RAB31: variants seen among roughly 807,000 people sequenced by gnomAD.
The protein encoded by RAB31 is RAB31, member RAS oncogene family, also known as ras-related protein Rab-31.
Under a neutral mutation model 25.6 loss-of-function variants are expected in RAB31, and 21 were observed. The observed-to-expected ratio is 0.82, with a 90% CI of 0.58 to 1.18. The LOEUF is 1.18. Ranked by LOEUF, RAB31 falls within the 50% of genes most tolerant of loss-of-function variation. The pLI is 0.00. For missense variants in RAB31, 196 were observed against 250.1 expected, an observed-to-expected ratio of 0.78 and a Z score of 1.46; for synonymous variants, 87 against 84.0, an observed-to-expected ratio of 1.04 and a Z score of -0.20.
At chr18:9,740,812 G>C (rs1452297660) in intron 1 of RAB31, among the ~76,000 whole-genome samples, 1 of 152,162 alleles carries the variant, frequency 6.6e-6, no homozygotes, top group Non-Finnish European at 1.5e-5. Flanking sequence ...AGAATAAAGG[G>C]GGTAAACAGA....
chr18:9,791,563 A>C (rs2068460208), intron 2 of RAB31, among the ~76,000 whole-genome samples: 1 of 149,826 alleles, frequency 6.7e-6, no homozygotes, highest in South Asian at 2.1e-4. Context: ...ATGCCCGGCT[A>C]ATTTTTGTTT....
In RAB31 at chr18:9,708,511, T is replaced by C. The variant is rs1446417333; in HGVS notation, c.39+67T>C. 2.9e-6 allele frequency: 4 copies of C among 1,383,492 alleles called. No homozygotes were observed. In the African/African-American group the frequency reaches 6.1e-5, roughly 21 times the overall value. The allele number at this position is 1,383,492 out of a possible 1,614,324, so 85.7% of individuals were successfully genotyped here. On this transcript the variant is annotated intron_variant, in intron 1 of 6. Coordinates refer to ENST00000578921, the MANE Select transcript of RAB31 (RefSeq NM_006868.4). This position sits in a 1 kb window ranked among gnomAD's most constrained non-coding sequence, Gnocchi z 6.4. ...CTCTCGCGCCCCTTCGCTCCCCTAT[T>C]CCCTGCGCGCTCAGTCCCCGTGATC...
At chr18:9,748,090 A>G (rs763452081) in intron 1 of RAB31, among the ~76,000 whole-genome samples, 21 of 152,220 alleles carry the variant, frequency 1.4e-4, no homozygotes, top group Non-Finnish European at 2.8e-4. Flanking sequence ...CTGATTAATT[A>G]CAAGTTACTG....
chr18:9,846,715 A>G (rs1478885120), intron 6 of RAB31, among the ~76,000 whole-genome samples: 2 of 152,098 alleles, frequency 1.3e-5, no homozygotes, highest in Admixed American at 1.3e-4. Context: ...AACAGTTTTG[A>G]TTTCTGTTTA....
intron 6 of RAB31, among the ~76,000 whole-genome samples, chr18:9,857,956 G>A (rs945509751): frequency 1.4e-4 from 22 of 152,184 alleles, no homozygotes; most frequent in African/African-American, 3.9e-4. Flanking sequence ...CTTTAGCCCC[G>A]GAATTCGAGG....
chr18:9,766,379 G>A lies in RAB31; in HGVS notation c.40-8899G>A, dbSNP rs1183742920. On this transcript the variant is annotated intron_variant, in intron 1 of 6. Coordinates refer to ENST00000578921, the MANE Select transcript of RAB31 (RefSeq NM_006868.4). The surrounding 1 kb of genome is among the most constrained non-coding windows in gnomAD (Gnocchi z 4.3). The stretch of plus-strand genomic sequence containing the variant: ...GGCACTGCCCTCATTACTATGCACT[G>A]CCTTCGCTTGCAGGCATCTCCACAC... Among the ~76,000 whole-genome samples, 1 of 152,148 alleles carries A rather than the reference G, an allele frequency of 6.6e-6. No individual in the cohort carries two copies. The highest frequency in any genetic ancestry group is 1.5e-5 in the Non-Finnish European group (1 of 68,008).
intron 1 of RAB31, among the ~76,000 whole-genome samples, chr18:9,767,827 G>A (rs913147880): frequency 7.9e-5 from 12 of 151,944 alleles, no homozygotes; most frequent in Non-Finnish European, 1.6e-4. Flanking sequence ...CCATCAATCC[G>A]TCATCTACAT....
chr18:9,807,599 A>G (rs184733827), intron 3 of RAB31, among the ~76,000 whole-genome samples: 2 of 152,320 alleles, frequency 1.3e-5, no homozygotes, highest in East Asian at 1.9e-4. Context: ...GCATTTCTAC[A>G]GCATCTTAAA....
At chr18:9,738,569 G>C (rs2068162117) in intron 1 of RAB31, among the ~76,000 whole-genome samples, 1 of 152,174 alleles carries the variant, frequency 6.6e-6, no homozygotes, top group Non-Finnish European at 1.5e-5. Flanking sequence ...GCGGCGCAGG[G>C]GCACACTGGG....
chr18:9,747,590 A>C (rs988440029), intron 1 of RAB31, among the ~76,000 whole-genome samples: 1 of 152,246 alleles, frequency 6.6e-6, no homozygotes, highest in African/African-American at 2.4e-5. Flanking sequence ...ATTATACTAA[A>C]TGAGAGAAAC....
intron 1 of RAB31, among the ~76,000 whole-genome samples, chr18:9,732,782 C>T (rs1260127986): frequency 3.9e-5 from 6 of 152,246 alleles, no homozygotes; most frequent in African/African-American, 4.8e-5. Flanking sequence ...TTGCTTTCCT[C>T]ATGCAACAGT....
Position 9,708,521 on chromosome 18 carries a change from C to T in RAB31, c.39+77C>T. The T allele has an allele frequency of 1.5e-6, 2 of 1,316,748 alleles. No individual in the cohort carries two copies. Among genetic ancestry groups the T allele is most frequent in the Non-Finnish European group, 2.1e-6 (2 of 975,318 alleles). 81.6% of individuals were successfully genotyped at this position (1,316,748 alleles called of 1,614,324 possible). A position where few individuals can be genotyped will look rare whatever the true frequency, so the allele number is the denominator to read the frequency against. On this transcript the variant is annotated intron_variant, in intron 1 of 6. Coordinates refer to ENST00000578921, the MANE Select transcript of RAB31 (RefSeq NM_006868.4). This position sits in a 1 kb window ranked among gnomAD's most constrained non-coding sequence, Gnocchi z 6.4. ...CCTTCGCTCCCCTATTCCCTGCGCG[C>T]TCAGTCCCCGTGATCCCCTCGCTCT...
chr18:9,806,554 GGGGCCCAAGAAGGGACCAGGGC>G (rs1013752353), intron 3 of RAB31, among the ~76,000 whole-genome samples: 4 of 152,176 alleles, frequency 2.6e-5, no homozygotes, highest in East Asian at 1.9e-4. Context: ...AAGCAGGGGA[GGGGCCCAAGAAGGGACCAGGGC>G]GGGCCCAAGA....
rs183333729 is a variant in RAB31, at chr18:9,829,861, T to G, written c.380+14639T>G. 4.6e-5 allele frequency among the ~76,000 whole-genome samples: 7 copies of G among 152,306 alleles called. No homozygotes were observed. In the East Asian group the frequency reaches 1.3e-3, roughly 29 times the overall value. The stretch of plus-strand genomic sequence containing the variant: ...TTTGCCATTTTTTTCTATTGGATTG[T>G]TTACCGTAATCTTGTTTATTTTTAG... On this transcript the variant is annotated intron_variant, in intron 5 of 6. Coordinates refer to ENST00000578921, the MANE Select transcript of RAB31 (RefSeq NM_006868.4).
At chr18:9,782,925 T>TG (rs1426323955) in intron 2 of RAB31, among the ~76,000 whole-genome samples, 1 of 151,984 alleles carries the variant, frequency 6.6e-6, no homozygotes, top group Admixed American at 6.5e-5. Flanking sequence ...CTCACTGTGT[T>TG]GTTGCCTAGG....
At chr18:9,799,935 G>A (rs900374567) in intron 3 of RAB31, among the ~76,000 whole-genome samples, 3 of 152,146 alleles carry the variant, frequency 2.0e-5, no homozygotes, top group African/African-American at 7.2e-5. Flanking sequence ...CATCAGTGTG[G>A]CCTTTGGGAA....
intron 5 of RAB31, among the ~76,000 whole-genome samples, chr18:9,839,485 AATT>A (rs1371204012): frequency 5.3e-5 from 8 of 152,154 alleles, no homozygotes; most frequent in Non-Finnish European, 1.2e-4. Context: ...CAGGAAAGGC[AATT>A]GCGGGTGTCC....
intron 6 of RAB31, among the ~76,000 whole-genome samples, chr18:9,858,249 G>A (rs1004266517): frequency 1.3e-5 from 2 of 152,206 alleles, no homozygotes; most frequent in African/African-American, 4.8e-5. Context: ...GAGTCACAGT[G>A]AAATGGTGAT....
intron 1 of RAB31, among the ~76,000 whole-genome samples, chr18:9,725,769 T>C (rs1408723794): frequency 6.6e-6 from 1 of 152,218 alleles, no homozygotes; most frequent in Non-Finnish European, 1.5e-5. Context: ...AGGGTCCTGG[T>C]CAGGTTCTTT....
Sources: allele counts gnomAD v4.1 joint callset (sites outside exome capture counted in the v4.1 genomes callset), GRCh38; gene constraint gnomAD v4.1.1; non-coding constraint Gnocchi (gnomAD v3.1); transcripts MANE v1.5; gene names NCBI Gene and HGNC (gene_info 2026-07-23, HGNC 2026-07-21).